INSL6: variants seen among roughly 807,000 people sequenced by gnomAD.
INSL6 encodes insulin like 6.
INSL6 carries 16 observed loss-of-function variants against 9.4 expected under a neutral mutation model. The ratio of observed to expected loss-of-function variants is 1.70; its 90% CI spans 1.15 to 2.59. The LOEUF is 2.59. Ranked by LOEUF, INSL6 falls within the 30% of genes most tolerant of loss-of-function variation. The pLI is 0.00. For missense variants in INSL6, 391 were observed against 257.3 expected, an observed-to-expected ratio of 1.52 and a Z score of -3.56; for synonymous variants, 154 against 96.9, an observed-to-expected ratio of 1.59 and a Z score of -3.46.
chr9:5,137,447 G>C (rs1564035927), intron 2 of INSL6, among the ~76,000 whole-genome samples: 1 of 152,140 alleles, frequency 6.6e-6, no homozygotes, highest in Non-Finnish European at 1.5e-5. Flanking sequence ...ACAGAACAGA[G>C]GCCTCACAAA....
chr9:5,069,030 T>A, the INSL6 span: 1 of 1,573,832 alleles, frequency 6.4e-7, no homozygotes, highest in Non-Finnish European at 8.6e-7. Flanking sequence ...AGCGAGAAAA[T>A]GTCATTGAAT....
the INSL6 span, among the ~76,000 whole-genome samples, chr9:5,046,239 C>A: frequency 6.1e-4 from 93 of 152,182 alleles, no homozygotes; most frequent in African/African-American, 2.1e-3. Flanking sequence ...CTACTGAAGT[C>A]CTTTGCCCAT....
At chr9:5,078,539 T>C in the INSL6 span, 1 of 877,296 alleles carries the variant, frequency 1.1e-6, no homozygotes, top group Non-Finnish European at 1.7e-6. Flanking sequence ...TTCCATTTAA[T>C]TTGTATGTTC....
the INSL6 span, among the ~76,000 whole-genome samples, chr9:5,034,906 T>C: frequency 4.8e-3 from 733 of 152,048 alleles, 8 homozygotes; most frequent in African/African-American, 0.017. Context: ...CTGAAGGACA[T>C]AGAGAGACAA....
chr9:5,041,577 G>A, the INSL6 span: 2 of 510,022 alleles, frequency 3.9e-6, no homozygotes. Flanking sequence ...CCTGCACTAC[G>A]TGCGGCGCCT....
At chr9:5,008,436 A>C in the INSL6 span, among the ~76,000 whole-genome samples, 1 of 152,214 alleles carries the variant, frequency 6.6e-6, no homozygotes, top group Non-Finnish European at 1.5e-5. Context: ...AAGGGCTGGC[A>C]CTTTTGGTGA....
the INSL6 span, among the ~76,000 whole-genome samples, chr9:5,095,282 T>C: frequency 1.3e-5 from 2 of 152,130 alleles, no homozygotes; most frequent in South Asian, 4.1e-4. Context: ...GGAACCCTCA[T>C]CACAATGCTA....
chr9:5,112,440 G>A, the INSL6 span: 1 of 525,514 alleles, frequency 1.9e-6, no homozygotes, highest in Admixed American at 2.9e-5. Context: ...CCACTCAAGA[G>A]GAGAAGAAGG....
chr9:5,004,096 CTAAT>C, the INSL6 span, among the ~76,000 whole-genome samples: 1 of 152,100 alleles, frequency 6.6e-6, no homozygotes, highest in African/African-American at 2.4e-5. Context: ...CAAAATCAGT[CTAAT>C]TAACATATGT....
chr9:5,082,498 G>T, the INSL6 span, among the ~76,000 whole-genome samples: 3 of 152,238 alleles, frequency 2.0e-5, no homozygotes, highest in Non-Finnish European at 4.4e-5. Context: ...GTATAATTGG[G>T]TTTTATACCG....
At chr9:5,101,701 T>A in the INSL6 span, among the ~76,000 whole-genome samples, 3 of 152,194 alleles carry the variant, frequency 2.0e-5, no homozygotes, top group African/African-American at 7.2e-5. Flanking sequence ...GCAGCAACAT[T>A]GGCTGTTCTG....
At chr9:5,155,338 G>C (rs547191765) in intron 2 of INSL6, among the ~76,000 whole-genome samples, 1 of 134,768 alleles carries the variant, frequency 7.4e-6, no homozygotes, top group Non-Finnish European at 1.6e-5. Flanking sequence ...GGTTGGGGGA[G>C]GGGGGAGGGA....
At chr9:5,007,704 T>A in the INSL6 span, among the ~76,000 whole-genome samples, 2 of 151,020 alleles carry the variant, frequency 1.3e-5, no homozygotes, top group Non-Finnish European at 2.9e-5. Flanking sequence ...ATAATGAGAA[T>A]TATTATTATT....
the INSL6 span, chr9:5,072,613 G>A: frequency 1.9e-6 from 3 of 1,605,366 alleles, no homozygotes; most frequent in Non-Finnish European, 2.6e-6. Context: ...AAAGCACACA[G>A]AAACTATTCA....
chr9:5,113,038 G>A, the INSL6 span, among the ~76,000 whole-genome samples: 1 of 152,026 alleles, frequency 6.6e-6, no homozygotes, highest in Non-Finnish European at 1.5e-5. Flanking sequence ...GGTGAGGAAG[G>A]TGACGCTGGG....
chr9:5,035,568 G>A, the INSL6 span, among the ~76,000 whole-genome samples: 4 of 152,194 alleles, frequency 2.6e-5, no homozygotes, highest in African/African-American at 9.7e-5. Flanking sequence ...GGGATGCAAG[G>A]CTGGTTCAAC....
the INSL6 span, among the ~76,000 whole-genome samples, chr9:5,062,131 A>AT: frequency 7.2e-5 from 11 of 151,900 alleles, no homozygotes; most frequent in East Asian, 3.9e-4. Flanking sequence ...CTTATATGCA[A>AT]TTTTTTTTCA....
chr9:5,151,783 C>G (rs1421265231), intron 2 of INSL6, among the ~76,000 whole-genome samples: 1 of 152,200 alleles, frequency 6.6e-6, no homozygotes, highest in Middle Eastern at 3.4e-3. Context: ...TATATTTAAA[C>G]ACAAATCATA....
the INSL6 span, among the ~76,000 whole-genome samples, chr9:5,118,324 G>A: frequency 1.3e-5 from 2 of 151,924 alleles, no homozygotes; most frequent in Non-Finnish European, 2.9e-5. Flanking sequence ...TGCATAATAT[G>A]TTACACTTTG....
Sources: allele counts gnomAD v4.1 joint callset (sites outside exome capture counted in the v4.1 genomes callset), GRCh38; gene constraint gnomAD v4.1.1; transcripts MANE v1.5; gene names NCBI Gene and HGNC (gene_info 2026-07-23, HGNC 2026-07-21).